The following TAFA1 variants were observed in gnomAD, a reference collection of about 807,000 sequenced individuals.
TAFA1 encodes TAFA chemokine like family member 1, also known as chemokine-like protein TAFA-1.
TAFA1 carries 4 observed loss-of-function variants against 18.5 expected under a neutral mutation model. The observed-to-expected ratio is 0.22, with a 90% CI of 0.11 to 0.49. TAFA1 has a LOEUF of 0.49. Among genes scored for constraint, TAFA1 ranks in the 20% least tolerant of loss-of-function variants. The pLI is 0.98. For missense variants in TAFA1, 147 were observed against 169.0 expected, an observed-to-expected ratio of 0.87 and a Z score of 0.72; for synonymous variants, 56 against 55.2, an observed-to-expected ratio of 1.01 and a Z score of -0.06.
chr3:68,261,392 T>C (rs2067418621), intron 2 of TAFA1, among the ~76,000 whole-genome samples: 1 of 152,198 alleles, frequency 6.6e-6, no homozygotes, highest in African/African-American at 2.4e-5. Context: ...AAATACCATT[T>C]GACCCAGCCA....
At chr3:68,312,576 A>G (rs1219839325) in intron 2 of TAFA1, among the ~76,000 whole-genome samples, 1 of 152,136 alleles carries the variant, frequency 6.6e-6, no homozygotes, top group Non-Finnish European at 1.5e-5. Flanking sequence ...TCTTTACTTC[A>G]GTTCCCAACA....
chr3:68,290,039 CT>C (rs1328245891), intron 2 of TAFA1, among the ~76,000 whole-genome samples: 3 of 152,174 alleles, frequency 2.0e-5, no homozygotes, highest in Non-Finnish European at 4.4e-5. Flanking sequence ...AGATAATATT[CT>C]GTTGAACTTT....
chr3:68,434,012 C>A (rs1426320727), intron 3 of TAFA1, among the ~76,000 whole-genome samples: 1 of 152,042 alleles, frequency 6.6e-6, no homozygotes, highest in South Asian at 2.1e-4. Context: ...TTGACTATCT[C>A]TACCCTAAGT....
At chr3:68,224,221 T>C (rs988381697) in intron 2 of TAFA1, among the ~76,000 whole-genome samples, 2 of 152,092 alleles carry the variant, frequency 1.3e-5, no homozygotes, top group African/African-American at 4.8e-5. Context: ...GACATCCTTA[T>C]AAGATAGAAT....
chr3:68,289,521 G>A (rs1206606466), intron 2 of TAFA1, among the ~76,000 whole-genome samples: 1 of 129,258 alleles, frequency 7.7e-6, no homozygotes, highest in African/African-American at 2.9e-5. Flanking sequence ...ATTCTTAGGA[G>A]AGGCTTATGG....
At position 68,420,944 on chromosome 3, in the gene TAFA1, A is replaced by G. The variant is rs370315861; in HGVS notation, c.259+3524A>G. ...CTCTTGGCCCTAGAAGCCAATAAGC[A>G]TTATAAAACAAAACCATGATGGTTT... is the stretch of plus-strand genomic sequence containing the variant. On this transcript the variant is annotated intron_variant, in intron 3 of 4. Coordinates refer to ENST00000478136, the MANE Select transcript of TAFA1 (RefSeq NM_213609.4). 3.3e-5 allele frequency among the ~76,000 whole-genome samples: 5 copies of G among 152,328 alleles called. No individual in the cohort carries two copies. The South Asian group carries it at 6.2e-4, about 19-fold the overall frequency.
rs1559694779 is a variant in TAFA1, at chr3:68,498,721, G to GTTTTTTTTT, written c.260-40035_260-40034insTTTTTTTTT. Among the ~76,000 whole-genome samples the GTTTTTTTTT allele has an allele frequency of 4.9e-5, 5 of 101,722 alleles. 1 individual carries two copies. The highest frequency in any genetic ancestry group is 3.6e-5 in the Non-Finnish European group (2 of 55,940). The allele number at this position is 101,722 out of a possible 152,430, so 66.7% of individuals were successfully genotyped here. A position where few individuals can be genotyped will look rare whatever the true frequency, so the allele number is the denominator to read the frequency against. ...AAATTCCTCCCAAAGCCGTTTGGTG[G>GTTTTTTTTT]CTTTTTTTTTTTTTTTTTTTTTTTT... On this transcript the variant is annotated intron_variant, in intron 3 of 4. Coordinates refer to ENST00000478136, the MANE Select transcript of TAFA1 (RefSeq NM_213609.4).
chr3:68,393,518 A>T (rs1161138840), intron 2 of TAFA1, among the ~76,000 whole-genome samples: 1 of 152,102 alleles, frequency 6.6e-6, no homozygotes, highest in South Asian at 2.1e-4. Context: ...TTTATGAGGC[A>T]AGCATCATCC....
At chr3:68,355,799 G>T (rs966764441) in intron 2 of TAFA1, among the ~76,000 whole-genome samples, 1 of 152,090 alleles carries the variant, frequency 6.6e-6, no homozygotes, top group East Asian at 1.9e-4. Context: ...AGAAAGCAAT[G>T]AAGTGACTGC....
At chr3:68,513,119 T>C (rs1174930797) in intron 3 of TAFA1, among the ~76,000 whole-genome samples, 1 of 152,132 alleles carries the variant, frequency 6.6e-6, no homozygotes, top group Non-Finnish European at 1.5e-5. Flanking sequence ...GCCCAGGTTT[T>C]TTTATGATTC....
chr3:68,234,478 A>G (rs368285854), intron 2 of TAFA1, among the ~76,000 whole-genome samples: 2 of 152,158 alleles, frequency 1.3e-5, no homozygotes, highest in South Asian at 4.1e-4. Flanking sequence ...CCCGAAGGAG[A>G]GTATTTAGGA....
At chr3:68,235,300 A>G (rs1454037253) in intron 2 of TAFA1, among the ~76,000 whole-genome samples, 1 of 152,158 alleles carries the variant, frequency 6.6e-6, no homozygotes, top group Non-Finnish European at 1.5e-5. Context: ...TCCATCTTAG[A>G]GATTATGACT....
At chr3:68,196,627 G>C (rs913092363) in intron 2 of TAFA1, among the ~76,000 whole-genome samples, 1 of 151,680 alleles carries the variant, frequency 6.6e-6, no homozygotes, top group Non-Finnish European at 1.5e-5. Flanking sequence ...TCTTACTCCT[G>C]CTCTATTTTT....
intron 2 of TAFA1, among the ~76,000 whole-genome samples, chr3:68,229,937 G>A (rs2066850513): frequency 6.6e-6 from 1 of 152,108 alleles, no homozygotes; most frequent in South Asian, 2.1e-4. Flanking sequence ...AGGACCTATG[G>A]TGATGGCTTA....
intron 3 of TAFA1, among the ~76,000 whole-genome samples, chr3:68,514,003 T>C (rs1039305620): frequency 6.6e-6 from 1 of 152,178 alleles, no homozygotes; most frequent in Non-Finnish European, 1.5e-5. Flanking sequence ...GCTTTGCAGA[T>C]TTAGTGTCTG....
At chr3:68,109,778 T>C (rs2065243465) in intron 2 of TAFA1, among the ~76,000 whole-genome samples, 1 of 152,036 alleles carries the variant, frequency 6.6e-6, no homozygotes, top group Non-Finnish European at 1.5e-5. Context: ...AGAACAAAAG[T>C]TATTTCAGTA....
chr3:68,495,998 C>CAAAAAAA (rs199520960), intron 3 of TAFA1, among the ~76,000 whole-genome samples: 76 of 107,538 alleles, frequency 7.1e-4, no homozygotes, highest in Non-Finnish European at 8.3e-4. Flanking sequence ...TTCCCTGAAG[C>CAAAAAAA]AAAAAAAAAA....
intron 2 of TAFA1, among the ~76,000 whole-genome samples, chr3:68,112,689 T>C (rs1319422161): frequency 1.3e-5 from 2 of 152,158 alleles, no homozygotes; most frequent in East Asian, 1.9e-4. Flanking sequence ...ACATTCATGA[T>C]TGACAGATGT....
chr3:68,123,310 A>G (rs983101336), intron 2 of TAFA1, among the ~76,000 whole-genome samples: 1 of 152,144 alleles, frequency 6.6e-6, no homozygotes, highest in African/African-American at 2.4e-5. Flanking sequence ...CAAAGGGTCC[A>G]CTTGGTTTAC....
Sources: allele counts gnomAD v4.1 joint callset (sites outside exome capture counted in the v4.1 genomes callset), GRCh38; gene constraint gnomAD v4.1.1; transcripts MANE v1.5; gene names NCBI Gene and HGNC (gene_info 2026-07-23, HGNC 2026-07-21).